VTI1A: variants seen among roughly 807,000 people sequenced by gnomAD.
VTI1A encodes the protein vesicle transport through interaction with t-SNAREs homolog 1A.
In VTI1A, 22 loss-of-function variants were observed where a neutral mutation model predicts 34.9. That is an observed-to-expected ratio of 0.63 (90% CI 0.45 to 0.90). VTI1A has a LOEUF of 0.90. Among genes scored for constraint, VTI1A ranks in the 40% least tolerant of loss-of-function variants. The pLI is 0.00. For synonymous variants in VTI1A, 87 were observed against 97.3 expected (o/e 0.89, Z 0.62); for missense variants, 268 against 275.6 (o/e 0.97, Z 0.20).
intron 5 of VTI1A, among the ~76,000 whole-genome samples, chr10:112,572,425 C>T (rs1852159966): frequency 6.6e-6 from 1 of 152,084 alleles, no homozygotes; most frequent in South Asian, 2.1e-4. Flanking sequence ...CAGCCCTCAC[C>T]AGAAGAGTTA....
chr10:112,669,328 T>C (rs1205472731), intron 7 of VTI1A, among the ~76,000 whole-genome samples: 4 of 152,186 alleles, frequency 2.6e-5, no homozygotes, highest in Admixed American at 6.6e-5. Context: ...GATGGCCTTC[T>C]TCTTATGGAG....
intron 5 of VTI1A, among the ~76,000 whole-genome samples, chr10:112,556,850 A>G (rs927522456): frequency 2.0e-5 from 3 of 152,102 alleles, no homozygotes; most frequent in Non-Finnish European, 2.9e-5. Context: ...CAAATTTTGC[A>G]TGGCATCTAA....
At chr10:112,741,233 A>G (rs1034421671) in intron 7 of VTI1A, among the ~76,000 whole-genome samples, 1 of 152,218 alleles carries the variant, frequency 6.6e-6, no homozygotes, top group Non-Finnish European at 1.5e-5. Flanking sequence ...AGGCAGTCAG[A>G]TCACTTGAGG....
chr10:112,690,810 T>G (rs571195701), intron 7 of VTI1A, among the ~76,000 whole-genome samples: 3 of 152,344 alleles, frequency 2.0e-5, no homozygotes, highest in African/African-American at 7.2e-5. Flanking sequence ...CCTGTTAGTA[T>G]CCATGCAATA....
At chr10:112,657,678 A>G (rs1847281914) in intron 5 of VTI1A, among the ~76,000 whole-genome samples, 1 of 152,242 alleles carries the variant, frequency 6.6e-6, no homozygotes, top group Non-Finnish European at 1.5e-5. Context: ...ACAGGGACAA[A>G]TCTTCATTGG....
chr10:112,643,963 T>C (rs916586540), intron 5 of VTI1A, among the ~76,000 whole-genome samples: 2 of 151,086 alleles, frequency 1.3e-5, no homozygotes, highest in Non-Finnish European at 2.9e-5. Flanking sequence ...TTATGAAATA[T>C]GGCAGCATAA....
chr10:112,693,441 G>T (rs1005176866), intron 7 of VTI1A, among the ~76,000 whole-genome samples: 1 of 152,084 alleles, frequency 6.6e-6, no homozygotes, highest in African/African-American at 2.4e-5. Context: ...CAGTTACTGG[G>T]GAGGCTGAGG....
intron 7 of VTI1A, among the ~76,000 whole-genome samples, chr10:112,814,764 C>A (rs1163434757): frequency 6.6e-6 from 1 of 152,202 alleles, no homozygotes; most frequent in East Asian, 1.9e-4. Context: ...GGTTTCACAG[C>A]CTAAGCTGCA....
chr10:112,594,017 C>T (rs953979079), intron 5 of VTI1A, among the ~76,000 whole-genome samples: 3 of 152,218 alleles, frequency 2.0e-5, no homozygotes, highest in Admixed American at 6.5e-5. Context: ...TCCCGCCATT[C>T]TCCTTCCTCA....
chr10:112,743,283 A>G (rs1850761763), intron 7 of VTI1A, among the ~76,000 whole-genome samples: 1 of 152,184 alleles, frequency 6.6e-6, no homozygotes, highest in Non-Finnish European at 1.5e-5. Flanking sequence ...CATTCATGTT[A>G]ACTCTTACAA....
At chr10:112,618,353 G>A (rs1845580928) in intron 5 of VTI1A, among the ~76,000 whole-genome samples, 1 of 150,650 alleles carries the variant, frequency 6.6e-6, no homozygotes, top group Non-Finnish European at 1.5e-5. Context: ...ATAAAAATTA[G>A]CCCCTACCTC....
chr10:112,790,654 C>T (rs367880269), intron 7 of VTI1A, among the ~76,000 whole-genome samples: 4 of 152,092 alleles, frequency 2.6e-5, no homozygotes, highest in East Asian at 3.9e-4. Context: ...GCCAACTAAG[C>T]TAAGGGGTGA....
At chr10:112,466,073 G>A (rs1055778050) in intron 3 of VTI1A, among the ~76,000 whole-genome samples, 15 of 152,152 alleles carry the variant, frequency 9.9e-5, no homozygotes, top group African/African-American at 3.6e-4. Context: ...AAAGATCTGA[G>A]CCTTACCTAT....
intron 5 of VTI1A, among the ~76,000 whole-genome samples, chr10:112,603,943 C>T (rs1264799575): frequency 6.6e-6 from 1 of 152,202 alleles, no homozygotes; most frequent in South Asian, 2.1e-4. Context: ...TTAAGCCCAC[C>T]TGGCTCACTG....
chr10:112,588,905 C>G lies in VTI1A; in HGVS notation c.427+50575C>G, dbSNP rs76661325. 3.3e-3 allele frequency among the ~76,000 whole-genome samples: 495 copies of G among 152,278 alleles called. 4 individuals are homozygous for G. The highest frequency in any genetic ancestry group is 0.011 in the African/African-American group (467 of 41,554). ...TCTTACCTCTCCTGACACCTTCACT[C>G]ACTTGCAGAACACAGTTCCTGGAAG... On this transcript the variant is annotated intron_variant, in intron 5 of 7. Coordinates refer to ENST00000393077, the MANE Select transcript of VTI1A (RefSeq NM_145206.4).
intron 7 of VTI1A, among the ~76,000 whole-genome samples, chr10:112,674,089 A>C (rs1309524628): frequency 6.6e-6 from 1 of 152,194 alleles, no homozygotes; most frequent in Non-Finnish European, 1.5e-5. Context: ...TAGGCACTGA[A>C]GAAAGTATCT....
intron 5 of VTI1A, among the ~76,000 whole-genome samples, chr10:112,571,496 G>C (rs945927088): frequency 6.6e-6 from 1 of 152,140 alleles, no homozygotes; most frequent in African/African-American, 2.4e-5. Context: ...AACAGATATT[G>C]GCGATGCTAT....
intron 5 of VTI1A, among the ~76,000 whole-genome samples, chr10:112,558,819 C>T (rs1004381597): frequency 6.6e-6 from 1 of 152,182 alleles, no homozygotes; most frequent in African/African-American, 2.4e-5. Context: ...TGCATCCCTA[C>T]GGTTGTCACC....
intron 5 of VTI1A, among the ~76,000 whole-genome samples, chr10:112,572,604 T>C (rs547676492): frequency 2.3e-4 from 35 of 152,256 alleles, no homozygotes; most frequent in South Asian, 1.0e-3. Context: ...TTTGGGAGGC[T>C]GAGGCGGGCG....
Sources: allele counts gnomAD v4.1 joint callset (sites outside exome capture counted in the v4.1 genomes callset), GRCh38; gene constraint gnomAD v4.1.1; transcripts MANE v1.5; gene names NCBI Gene and HGNC (gene_info 2026-07-23, HGNC 2026-07-21).